The following DMD variants were observed in gnomAD, a reference collection of about 807,000 sequenced individuals.
DMD encodes mutant dystrophin.
In DMD, 63 loss-of-function variants were observed where a neutral mutation model predicts 330.1. The observed-to-expected ratio is 0.19, with a 90% CI of 0.16 to 0.24. The LOEUF is 0.24. Ranked by LOEUF, DMD falls within the 10% of genes least tolerant of loss-of-function variation. DMD has a pLI of 1.00. For missense variants in DMD, 3,344 were observed against 2,684.1 expected, an observed-to-expected ratio of 1.25 and a Z score of -5.43; for synonymous variants, 1,223 against 959.8, an observed-to-expected ratio of 1.27 and a Z score of -5.07.
At chrX:32,557,191 A>G (rs2050399752) in intron 16 of DMD, among the ~76,000 whole-genome samples, 2 of 111,537 alleles carry the variant, frequency 1.8e-5, no homozygotes, top group Admixed American at 9.6e-5. Flanking sequence ...CAAAGCATAG[A>G]TATAAATCCA....
intron 17 of DMD, among the ~76,000 whole-genome samples, chrX:32,534,775 C>G (rs553000677): frequency 1.8e-5 from 2 of 110,903 alleles, no homozygotes; most frequent in South Asian, 7.8e-4. Context: ...ATCAAATTAT[C>G]TTCCAAAGTC....
At chrX:32,629,417 G>A (rs1923472676) in intron 11 of DMD, among the ~76,000 whole-genome samples, 1 of 111,432 alleles carries the variant, frequency 9.0e-6, no homozygotes, top group Non-Finnish European at 1.9e-5. Context: ...TATTGGTCAA[G>A]TGTGTTTCTT....
At chrX:32,802,076 T>C (rs756199851) in intron 7 of DMD, among the ~76,000 whole-genome samples, 3 of 112,148 alleles carry the variant, frequency 2.7e-5, no homozygotes, top group Non-Finnish European at 5.6e-5. Context: ...TGAGGTAACA[T>C]TGAATCTATA....
At chrX:32,699,034 T>C (rs1407258312) in intron 8 of DMD, 78 bp downstream of exon 8, 4 of 854,656 alleles carry the variant, frequency 4.7e-6, no homozygotes, top group Non-Finnish European at 7.0e-6. Context: ...AAGTTATATA[T>C]ATATGTGCAC....
chrX:32,229,051 T>C (rs2097157967), intron 43 of DMD, among the ~76,000 whole-genome samples: 2 of 93,974 alleles, frequency 2.1e-5, no homozygotes, highest in Admixed American at 1.2e-4. Context: ...GACAATAACA[T>C]AGCTGAATAA....
chrX:31,786,986 C>T (rs1392547682), intron 50 of DMD, among the ~76,000 whole-genome samples: 2 of 112,502 alleles, frequency 1.8e-5, no homozygotes, highest in South Asian at 3.7e-4. Flanking sequence ...TCATCTCTGA[C>T]ACCGTATCTC....
At chrX:32,352,666 G>A (rs1219476845) in intron 37 of DMD, among the ~76,000 whole-genome samples, 1 of 110,659 alleles carries the variant, frequency 9.0e-6, no homozygotes, top group Non-Finnish European at 1.9e-5. Context: ...GAATAAAATA[G>A]TAATGTTTTG....
chrX:31,454,928 T>A lies in DMD; in HGVS notation c.8938-10301A>T, dbSNP rs150999439. Among the ~76,000 whole-genome samples the A allele has an allele frequency of 1.4e-3, 145 of 102,793 alleles. 1 individual carries two copies. The East Asian group carries it at 0.026, about 18-fold the overall frequency. 89.3% of individuals were successfully genotyped at this position (102,793 alleles called of 115,157 possible). A position where few individuals can be genotyped will look rare whatever the true frequency, so the allele number is the denominator to read the frequency against. ...ACCACTGGCATTGATATATATATAT[T>A]TTTAAGTTAGTTTTTTCTTTTTCTT... is the stretch of plus-strand genomic sequence containing the variant. On this transcript the variant is annotated intron_variant, in intron 59 of 78. Transcript: ENST00000357033.
intron 11 of DMD, among the ~76,000 whole-genome samples, chrX:32,639,232 A>C (rs1175530753): frequency 8.9e-6 from 1 of 112,026 alleles, no homozygotes; most frequent in African/African-American, 3.2e-5. Flanking sequence ...TGCATTTTTC[A>C]ATCAAATTAA....
chrX:32,754,254 G>T (rs185144973), intron 7 of DMD, among the ~76,000 whole-genome samples: 116 of 110,306 alleles, frequency 1.1e-3, no homozygotes, highest in Middle Eastern at 4.7e-3. Flanking sequence ...TACAATTATC[G>T]CCATTTTACA....
chrX:32,207,679 T>A (rs2097076120), intron 44 of DMD, among the ~76,000 whole-genome samples: 1 of 112,104 alleles, frequency 8.9e-6, no homozygotes, highest in African/African-American at 3.2e-5. Flanking sequence ...GCACTGGTTA[T>A]GAGATTAAAT....
chrX:31,155,395 T>C (rs2037990312), intron 74 of DMD, among the ~76,000 whole-genome samples: 1 of 112,540 alleles, frequency 8.9e-6, no homozygotes, highest in Admixed American at 9.4e-5. Context: ...GTATCATACA[T>C]TTAACTGTAT....
In DMD at chrX:32,816,569, C is replaced by A. The variant is rs763567086; in HGVS notation, c.429G>T (p.Trp143Cys). The change falls in exon 6 of 79, where the codon TGG becomes TGT. Residue 143 changes from tryptophan (W) to cysteine (C), a missense_variant. Coordinates refer to ENST00000357033, the MANE Select transcript of DMD (RefSeq NM_004006.3). ...QTNSEKILLS[W>C]VRQSTRNYPQ... Reference sequence around the variant, plus strand: ...GATAATTACGAGTTGATTGTCGGACCCAGCTCAGGAGAATCTTTTCACTGT... The same window carrying A: ...GATAATTACGAGTTGATTGTCGGACACAGCTCAGGAGAATCTTTTCACTGT... The A allele has an allele frequency of 2.5e-6, 3 of 1,209,587 alleles. No individual in the cohort carries two copies. Among genetic ancestry groups the A allele is most frequent in the South Asian group, 1.8e-5 (1 of 56,821 alleles).
At chrX:32,797,112 CT>C (rs1226006795) in intron 7 of DMD, among the ~76,000 whole-genome samples, 2 of 111,316 alleles carry the variant, frequency 1.8e-5, no homozygotes, top group Non-Finnish European at 3.8e-5. Flanking sequence ...TCTGTGATGT[CT>C]TTTTTTGTTT....
At chrX:31,622,089 T>C (rs1256194350) in intron 55 of DMD, among the ~76,000 whole-genome samples, 1 of 111,737 alleles carries the variant, frequency 8.9e-6, no homozygotes, top group African/African-American at 3.3e-5. Context: ...GTGAGTTTCC[T>C]GGCCTCTTTG....
intron 60 of DMD, among the ~76,000 whole-genome samples, chrX:31,380,226 C>T (rs1043169347): frequency 1.4e-4 from 16 of 110,748 alleles, no homozygotes; most frequent in Admixed American, 1.3e-3. Flanking sequence ...TTAAGCACTC[C>T]TTTTTAGTTA....
At chrX:31,342,755 T>C (rs1239402312) in intron 61 of DMD, among the ~76,000 whole-genome samples, 1 of 111,817 alleles carries the variant, frequency 8.9e-6, no homozygotes, top group Non-Finnish European at 1.9e-5. Context: ...GACCAGAGAA[T>C]TGAAATAATG....
At chrX:31,672,328 C>T (rs1451599019) in intron 53 of DMD, among the ~76,000 whole-genome samples, 4 of 111,880 alleles carry the variant, frequency 3.6e-5, no homozygotes, top group Non-Finnish European at 7.5e-5. Context: ...TATGGCCTAC[C>T]CTAGAGAATA....
intron 11 of DMD, among the ~76,000 whole-genome samples, chrX:32,641,300 G>C (rs900303011): frequency 1.9e-5 from 2 of 107,856 alleles, no homozygotes; most frequent in Admixed American, 2.0e-4. Flanking sequence ...TGAGATCTGG[G>C]GCCAGACCTT....
Sources: allele counts gnomAD v4.1 joint callset (sites outside exome capture counted in the v4.1 genomes callset), GRCh38; gene constraint gnomAD v4.1.1; transcripts MANE v1.5; gene names NCBI Gene and HGNC (gene_info 2026-07-23, HGNC 2026-07-21).